The following CYP7B1 variants were observed in gnomAD, a reference collection of about 807,000 sequenced individuals.
The protein encoded by CYP7B1 is cytochrome P450 family 7 subfamily B member 1.
A neutral mutation model predicts 42.7 loss-of-function variants in CYP7B1; 29 were observed. That is an observed-to-expected ratio of 0.68 (90% confidence interval 0.51 to 0.93). The LOEUF (loss-of-function observed/expected upper bound fraction) is 0.93, where lower values mean the gene tolerates loss of function less well. CYP7B1 is among the 40% of genes least tolerant of loss of function. The probability of loss-of-function intolerance (pLI) is 0.00; values close to 1 mark genes in which losing one functional copy is unlikely to be tolerated. For missense variants in CYP7B1, 655 were observed against 600.5 expected (o/e 1.09, Z -0.95); for synonymous variants, 235 against 218.2 (o/e 1.08, Z -0.68).
chr8:64,643,838 C>T (rs1226395969), intron 1 of CYP7B1, among the ~76,000 whole-genome samples: 1 of 152,186 alleles, frequency 6.6e-6, no homozygotes, highest in Non-Finnish European at 1.5e-5. Context: ...TAACAAGCAA[C>T]TCCTACCTGT....
chr8:64,726,570 C>T (rs1807328522), intron 1 of CYP7B1, among the ~76,000 whole-genome samples: 1 of 152,182 alleles, frequency 6.6e-6, no homozygotes, highest in Non-Finnish European at 1.5e-5. Flanking sequence ...CATCTTTAAG[C>T]AAGTTACCTA....
chr8:64,725,773 T>C (rs149252942), intron 1 of CYP7B1, among the ~76,000 whole-genome samples: 1 of 152,296 alleles, frequency 6.6e-6, no homozygotes, highest in Non-Finnish European at 1.5e-5. Flanking sequence ...TATGAATCCA[T>C]TAGTAACACA....
At chr8:64,614,995 C>T in intron 4 of CYP7B1, 31 bp downstream of exon 4, 1 of 1,610,770 alleles carries the variant, frequency 6.2e-7, no homozygotes, top group Non-Finnish European at 8.5e-7. Context: ...GAGGTACCTT[C>T]TTTTCTTCAT....
intron 2 of CYP7B1, among the ~76,000 whole-genome samples, chr8:64,618,500 TGAA>T (rs1405678348): frequency 6.6e-6 from 1 of 152,064 alleles, no homozygotes; most frequent in Non-Finnish European, 1.5e-5. Context: ...TTGGGCCTAC[TGAA>T]GTAGAGGCTG....
downstream of CYP7B1, among the ~76,000 whole-genome samples, chr8:64,588,206 T>A (rs945313140): frequency 6.6e-6 from 1 of 152,204 alleles, no homozygotes; most frequent in Non-Finnish European, 1.5e-5. Context: ...TATCTTTATA[T>A]AAATTGTCTG....
chr8:64,648,970 AT>A, intron 1 of CYP7B1, among the ~76,000 whole-genome samples: 1 of 152,324 alleles, frequency 6.6e-6, no homozygotes, highest in Admixed American at 6.5e-5. Flanking sequence ...GAATCTGTGC[AT>A]TTTTAAAAAA....
chr8:64,758,410 C>T (rs747064173), intron 1 of CYP7B1, among the ~76,000 whole-genome samples: 4 of 152,186 alleles, frequency 2.6e-5, no homozygotes, highest in African/African-American at 4.8e-5. Flanking sequence ...GGATTCAAGT[C>T]TCAAATAGTT....
intron 1 of CYP7B1, among the ~76,000 whole-genome samples, chr8:64,786,824 T>C (rs770230526): frequency 1.3e-5 from 2 of 152,256 alleles, no homozygotes; most frequent in African/African-American, 2.4e-5. Context: ...CACTTCTTCC[T>C]GGACATCCAG....
intron 4 of CYP7B1, 49 bp downstream of exon 4, chr8:64,614,977 T>A (rs1212356648): frequency 1.3e-6 from 2 of 1,596,020 alleles, no homozygotes; most frequent in Admixed American, 3.3e-5. Flanking sequence ...ATAAACCGAG[T>A]TTGCAGAGAG....
intron 4 of CYP7B1, among the ~76,000 whole-genome samples, chr8:64,611,829 G>C (rs1805368217): frequency 6.6e-6 from 1 of 152,120 alleles, no homozygotes; most frequent in Non-Finnish European, 1.5e-5. Flanking sequence ...CATCGAAAGA[G>C]CGCTCCTGTG....
chr8:64,679,807 C>G (rs1389606804), intron 1 of CYP7B1, among the ~76,000 whole-genome samples: 1 of 152,130 alleles, frequency 6.6e-6, no homozygotes, highest in Non-Finnish European at 1.5e-5. Flanking sequence ...ACTTCTGAAA[C>G]CATCATAACA....
At chr8:64,709,754 G>A (rs929345789) in intron 1 of CYP7B1, among the ~76,000 whole-genome samples, 7 of 151,948 alleles carry the variant, frequency 4.6e-5, no homozygotes, top group African/African-American at 1.7e-4. Context: ...TTTCAAAGGA[G>A]GAAAAAGAAA....
At chr8:64,722,112 G>A (rs1472612260) in intron 1 of CYP7B1, among the ~76,000 whole-genome samples, 1 of 152,184 alleles carries the variant, frequency 6.6e-6, no homozygotes, top group Admixed American at 6.5e-5. Flanking sequence ...AATGAAATTG[G>A]CCAAAGCTGC....
At chr8:64,721,310 A>G (rs1807232233) in intron 1 of CYP7B1, among the ~76,000 whole-genome samples, 2 of 152,188 alleles carry the variant, frequency 1.3e-5, no homozygotes, top group South Asian at 4.1e-4. Context: ...GAAAGCGTTA[A>G]GTGAATTCCT....
intron 1 of CYP7B1, among the ~76,000 whole-genome samples, chr8:64,691,122 T>C (rs966654786): frequency 6.6e-6 from 1 of 152,206 alleles, no homozygotes; most frequent in African/African-American, 2.4e-5. Flanking sequence ...TTCAACATTA[T>C]ACAACATCCA....
chr8:64,769,824 T>C (rs995199836), intron 1 of CYP7B1, among the ~76,000 whole-genome samples: 1 of 152,120 alleles, frequency 6.6e-6, no homozygotes, highest in East Asian at 1.9e-4. Context: ...CTACTGAGCA[T>C]ACACCCAAAA....
At chr8:64,600,207 G>A (rs1426058674) in intron 5 of CYP7B1, among the ~76,000 whole-genome samples, 1 of 152,308 alleles carries the variant, frequency 6.6e-6, no homozygotes, top group East Asian at 1.9e-4. Context: ...TAGAAATCAA[G>A]TTTGGATAGA....
At chr8:64,755,151 T>G (rs1284066108) in intron 1 of CYP7B1, among the ~76,000 whole-genome samples, 1 of 152,180 alleles carries the variant, frequency 6.6e-6, no homozygotes, top group African/African-American at 2.4e-5. Context: ...GCAGGCTGAC[T>G]GCCAGGTGTG....
intron 5 of CYP7B1, among the ~76,000 whole-genome samples, chr8:64,597,386 C>T (rs1214379018): frequency 6.6e-6 from 1 of 152,158 alleles, no homozygotes; most frequent in Non-Finnish European, 1.5e-5. Context: ...TTCTCTTATC[C>T]CTTCCCCACC....
Sources: allele counts gnomAD v4.1 joint callset (sites outside exome capture counted in the v4.1 genomes callset), GRCh38; gene constraint gnomAD v4.1.1; transcripts MANE v1.5; gene names NCBI Gene and HGNC (gene_info 2026-07-23, HGNC 2026-07-21).